The following SORCS3 variants were observed in gnomAD, a reference collection of about 807,000 sequenced individuals.
SORCS3 encodes the protein sortilin related VPS10 domain containing receptor 3.
Under a neutral mutation model 146.3 loss-of-function variants are expected in SORCS3, and 57 were observed. The observed-to-expected ratio is 0.39, with a 90% CI of 0.31 to 0.49. SORCS3 has a LOEUF of 0.49. SORCS3 is among the 20% of genes least tolerant of loss of function. SORCS3 has a pLI of 0.92. For missense variants in SORCS3, 1,341 were observed against 1,575.5 expected (o/e 0.85, Z 2.52); for synonymous variants, 653 against 618.5 (o/e 1.06, Z -0.83).
chr10:105,125,442 G>C (rs1051371792), intron 7 of SORCS3, among the ~76,000 whole-genome samples: 1 of 152,052 alleles, frequency 6.6e-6, no homozygotes, highest in Non-Finnish European at 1.5e-5. Context: ...TTCCCAAGAC[G>C]ACACAGCCAG....
intron 9 of SORCS3, among the ~76,000 whole-genome samples, chr10:105,156,035 T>A (rs142067543): frequency 1.3e-3 from 198 of 152,368 alleles, no homozygotes; most frequent in African/African-American, 4.6e-3. Context: ...GTGAAACTCT[T>A]ACCATTTTCT....
intron 14 of SORCS3, among the ~76,000 whole-genome samples, chr10:105,192,534 G>A (rs2056522550): frequency 6.6e-6 from 1 of 152,056 alleles, no homozygotes; most frequent in Admixed American, 6.6e-5. Context: ...GACAGTTGGT[G>A]GTTAGAAGAA....
chr10:105,025,207 C>T (rs2055219075), intron 4 of SORCS3, among the ~76,000 whole-genome samples: 1 of 152,176 alleles, frequency 6.6e-6, no homozygotes, highest in African/African-American at 2.4e-5. Context: ...AATTCCCTTG[C>T]ATAAGGGCTT....
chr10:104,653,686 T>G (rs2015590241), intron 1 of SORCS3, among the ~76,000 whole-genome samples: 1 of 152,194 alleles, frequency 6.6e-6, no homozygotes, highest in African/African-American at 2.4e-5. Flanking sequence ...GGGTACATAG[T>G]AGGCGTATAT....
chr10:104,908,486 T>C (rs1437364139), intron 2 of SORCS3, among the ~76,000 whole-genome samples: 1 of 152,224 alleles, frequency 6.6e-6, no homozygotes, highest in Non-Finnish European at 1.5e-5. Flanking sequence ...TTACTCTTCA[T>C]TGAATCTGAA....
intron 1 of SORCS3, among the ~76,000 whole-genome samples, chr10:104,804,332 C>T (rs750219681): frequency 1.3e-5 from 2 of 152,190 alleles, no homozygotes; most frequent in East Asian, 3.8e-4. Context: ...TGTTCAGAAA[C>T]TCTTGACTAT....
chr10:105,151,344 G>A (rs1434894360), intron 9 of SORCS3, among the ~76,000 whole-genome samples: 2 of 152,132 alleles, frequency 1.3e-5, no homozygotes, highest in Non-Finnish European at 2.9e-5. Flanking sequence ...GAAGATTCAG[G>A]CATTTATGCT....
At chr10:105,072,245 G>T (rs555799908) in intron 5 of SORCS3, among the ~76,000 whole-genome samples, 10 of 152,186 alleles carry the variant, frequency 6.6e-5, no homozygotes, top group African/African-American at 2.2e-4. Context: ...CTGACTCTGG[G>T]CTCTGAGCAA....
intron 4 of SORCS3, among the ~76,000 whole-genome samples, chr10:105,000,519 C>T (rs1400267307): frequency 6.6e-6 from 1 of 152,008 alleles, no homozygotes; most frequent in Non-Finnish European, 1.5e-5. Flanking sequence ...TCTGTGTGAG[C>T]CATAGAAGTA....
intron 5 of SORCS3, among the ~76,000 whole-genome samples, chr10:105,089,515 G>A (rs1401319464): frequency 6.6e-6 from 1 of 152,156 alleles, no homozygotes; most frequent in Non-Finnish European, 1.5e-5. Context: ...TATGCACTCT[G>A]TATTCTTCTC....
intron 20 of SORCS3, among the ~76,000 whole-genome samples, chr10:105,241,174 G>A (rs1383747579): frequency 6.6e-6 from 1 of 152,132 alleles, no homozygotes; most frequent in Non-Finnish European, 1.5e-5. Flanking sequence ...TACAACTGAT[G>A]GAGGATTTTT....
chr10:105,017,941 G>C (rs2055177295), intron 4 of SORCS3, among the ~76,000 whole-genome samples: 1 of 152,188 alleles, frequency 6.6e-6, no homozygotes, highest in Non-Finnish European at 1.5e-5. Context: ...GTAATCTATG[G>C]AATGCATTTC....
intron 19 of SORCS3, chr10:105,217,898 T>C: frequency 2.2e-6 from 1 of 454,120 alleles, no homozygotes; most frequent in Non-Finnish European, 4.4e-6. Flanking sequence ...CCCACATGTG[T>C]ATCAGTGATA....
At chr10:105,153,872 C>G (rs556022141) in intron 9 of SORCS3, among the ~76,000 whole-genome samples, 61 of 151,896 alleles carry the variant, frequency 4.0e-4, no homozygotes, top group African/African-American at 1.4e-3. Context: ...ATTTTGAGAC[C>G]AGCCTGGCCA....
chr10:104,688,465 G>GC (rs5787539), intron 1 of SORCS3, among the ~76,000 whole-genome samples: 145,769 of 152,246 alleles, frequency 0.96, 69,985 homozygotes, highest in East Asian at 1. Context: ...CTGCCAGCCA[G>GC]CGTGGGCAGA....
At chr10:104,973,496 G>T (rs1013587424) in intron 3 of SORCS3, among the ~76,000 whole-genome samples, 2 of 152,022 alleles carry the variant, frequency 1.3e-5, no homozygotes, top group African/African-American at 2.4e-5. Flanking sequence ...GGTGTTTGTA[G>T]TATTCTCTGA....
chr10:105,137,496 TAA>T (rs5787565), intron 7 of SORCS3, among the ~76,000 whole-genome samples: 1 of 149,502 alleles, frequency 6.7e-6, no homozygotes, highest in Non-Finnish European at 1.5e-5. Context: ...CACCTCAAAT[TAA>T]AAAAAAAACC....
intron 3 of SORCS3, among the ~76,000 whole-genome samples, chr10:104,966,346 T>C (rs577536542): frequency 6.6e-6 from 1 of 152,318 alleles, no homozygotes; most frequent in African/African-American, 2.4e-5. Flanking sequence ...AACTTATCAA[T>C]TATATCAGTG....
Position 104,728,611 on chromosome 10 carries a change from G to C in SORCS3, c.627+86657G>C, listed in dbSNP as rs2016669588. 2.0e-5 allele frequency among the ~76,000 whole-genome samples: 3 copies of C among 152,268 alleles called. No individual in the cohort carries two copies. In the South Asian group the frequency reaches 6.2e-4, roughly 32 times the overall value. On this transcript the variant is annotated intron_variant, in intron 1 of 26. Transcript: ENST00000369701. ...ACTAAATATGAGGACCTTGAAGCTG[G>C]GATGAATCCTGCCTCAGGCTCAAGG...
Sources: allele counts gnomAD v4.1 joint callset (sites outside exome capture counted in the v4.1 genomes callset), GRCh38; gene constraint gnomAD v4.1.1; transcripts MANE v1.5; gene names NCBI Gene and HGNC (gene_info 2026-07-23, HGNC 2026-07-21).